Variants in PLEKHA5 observed in about 807,000 individuals in gnomAD.
PLEKHA5 encodes pleckstrin homology domain-containing family A member 5.
Under a neutral mutation model 181.9 loss-of-function variants are expected in PLEKHA5, and 55 were observed. The observed-to-expected ratio is 0.30, with a 90% CI of 0.24 to 0.38. The LOEUF is 0.38. PLEKHA5 is among the 10% of genes least tolerant of loss of function. The pLI is 1.00. For synonymous variants in PLEKHA5, 535 were observed against 529.4 expected (o/e 1.01, Z -0.15); for missense variants, 1,432 against 1,549.5 (o/e 0.92, Z 1.27).
At chr12:19,268,022 G>T (rs1336790335) in intron 8 of PLEKHA5, among the ~76,000 whole-genome samples, 2 of 152,140 alleles carry the variant, frequency 1.3e-5, no homozygotes, top group Admixed American at 6.5e-5. Flanking sequence ...TAGTGGTGAG[G>T]TTAAGGGGTT....
At chr12:19,223,800 C>A (rs1479187532) in intron 3 of PLEKHA5, among the ~76,000 whole-genome samples, 1 of 152,120 alleles carries the variant, frequency 6.6e-6, no homozygotes, top group Non-Finnish European at 1.5e-5. Context: ...GCAGCAGAAT[C>A]CTTCACTGTG....
intron 16 of PLEKHA5, among the ~76,000 whole-genome samples, chr12:19,317,608 G>A (rs2089329109): frequency 6.6e-6 from 1 of 151,166 alleles, no homozygotes; most frequent in African/African-American, 2.4e-5. Context: ...TATGTATCAT[G>A]TTCATATACT....
chr12:19,336,743 A>G (rs573171755), intron 21 of PLEKHA5, 127 bp downstream of exon 21: 1 of 588,450 alleles, frequency 1.7e-6, no homozygotes, highest in South Asian at 1.8e-5. Context: ...CCTGGATTTG[A>G]ATACTTTTAA....
chr12:19,350,852 T>C (rs2094557458), intron 25 of PLEKHA5, among the ~76,000 whole-genome samples: 1 of 152,166 alleles, frequency 6.6e-6, no homozygotes, highest in African/African-American at 2.4e-5. Context: ...TTTTTCTAGG[T>C]TATCTAATGT....
chr12:19,219,688 C>A (rs1416251188), intron 3 of PLEKHA5, among the ~76,000 whole-genome samples: 1 of 151,938 alleles, frequency 6.6e-6, no homozygotes, highest in Non-Finnish European at 1.5e-5. Context: ...TAATCTTAGG[C>A]TTTAATTGAT....
chr12:19,163,920 C>A (rs1259838019), intron 3 of PLEKHA5, among the ~76,000 whole-genome samples: 2 of 152,106 alleles, frequency 1.3e-5, no homozygotes, highest in Non-Finnish European at 2.9e-5. Context: ...TTCTAGCAAC[C>A]AAACTCAGAA....
intron 3 of PLEKHA5, among the ~76,000 whole-genome samples, chr12:19,228,435 T>C (rs1358833782): frequency 2.6e-5 from 1 of 39,022 alleles, no homozygotes; most frequent in African/African-American, 3.9e-5. Context: ...TATATTTTTC[T>C]CTGTTTTTTT....
intron 3 of PLEKHA5, among the ~76,000 whole-genome samples, chr12:19,195,005 T>C (rs1270954762): frequency 3.3e-5 from 5 of 152,228 alleles, no homozygotes; most frequent in Admixed American, 3.3e-4. Context: ...ATTTATACTG[T>C]ACCAGACACT....
intron 3 of PLEKHA5, among the ~76,000 whole-genome samples, chr12:19,253,545 C>T (rs761714389): frequency 9.2e-5 from 14 of 151,784 alleles, no homozygotes; most frequent in South Asian, 2.1e-4. Context: ...GGCCAGGTGC[C>T]GTGTCTCATG....
chr12:19,312,493 G>A (rs1245947574), intron 15 of PLEKHA5, among the ~76,000 whole-genome samples: 1 of 152,202 alleles, frequency 6.6e-6, no homozygotes, highest in African/African-American at 2.4e-5. Flanking sequence ...TTCTCCATCA[G>A]CACCTGCTGC....
chr12:19,255,035 A>C lies in PLEKHA5; in HGVS notation c.312-10A>C. On this transcript the variant is annotated splice_polypyrimidine_tract_variant and intron_variant, in intron 4 of 31. Transcript: ENST00000429027. ...ACAGCAAGTTCTAGCATTTTGACATATATTTTCAGGACTGTTGCAACCATG... is the reference window on the plus strand; with the variant it reads ...ACAGCAAGTTCTAGCATTTTGACATCTATTTTCAGGACTGTTGCAACCATG... 1 of 1,597,328 alleles carries C rather than the reference A, an allele frequency of 6.3e-7. No homozygotes were observed. The highest frequency in any genetic ancestry group is 8.6e-7 in the Non-Finnish European group (1 of 1,169,062).
Position 19,129,754 on chromosome 12 carries a change from CGCGGCGGCAGCAGGAGAAGGCG to C in PLEKHA5, c.-37_-16del. ...GCTCGTTCCCTCCTCCCTCGGCAGC[CGCGGCGGCAGCAGGAGAAGGCG>C]GCGGCGGCGGCTAGGGATCAGACAT... On this transcript the variant is annotated 5_prime_UTR_variant, in exon 1 of 32. Coordinates refer to ENST00000429027, the MANE Select transcript of PLEKHA5 (RefSeq NM_001256470.2). 1 of 1,460,994 alleles carries C rather than the reference CGCGGCGGCAGCAGGAGAAGGCG, an allele frequency of 6.8e-7. No homozygotes were observed. Among genetic ancestry groups the C allele is most frequent in the East Asian group, 2.5e-5 (1 of 40,118 alleles). 90.5% of individuals were successfully genotyped at this position (1,460,994 alleles called of 1,614,324 possible).
chr12:19,292,729 A>G (rs901700197), intron 15 of PLEKHA5, among the ~76,000 whole-genome samples: 5 of 152,148 alleles, frequency 3.3e-5, no homozygotes, highest in African/African-American at 4.8e-5. Flanking sequence ...ACCTAAGGTC[A>G]GGAATTTGAG....
At chr12:19,317,371 TA>T (rs947305812) in intron 16 of PLEKHA5, among the ~76,000 whole-genome samples, 1 of 151,520 alleles carries the variant, frequency 6.6e-6, no homozygotes, top group African/African-American at 2.4e-5. Context: ...TTTTTTTTTT[TA>T]AGCATTCTGT....
intron 3 of PLEKHA5, among the ~76,000 whole-genome samples, chr12:19,179,025 A>T (rs1475035985): frequency 6.6e-6 from 1 of 152,192 alleles, no homozygotes; most frequent in Non-Finnish European, 1.5e-5. Flanking sequence ...TTTTATTTTC[A>T]TTGCAGATGC....
intron 3 of PLEKHA5, among the ~76,000 whole-genome samples, chr12:19,213,880 G>A (rs1324073505): frequency 1.3e-5 from 2 of 152,116 alleles, no homozygotes; most frequent in African/African-American, 4.8e-5. Flanking sequence ...ATGAAGATTG[G>A]ACCTTTTAAG....
chr12:19,229,455 C>T (rs1325478597), intron 3 of PLEKHA5, among the ~76,000 whole-genome samples: 1 of 152,054 alleles, frequency 6.6e-6, no homozygotes, highest in Non-Finnish European at 1.5e-5. Context: ...AAGCTGCAGA[C>T]CTTCGCGGTG....
At chr12:19,362,944 G>C (rs2095303312) in intron 29 of PLEKHA5, among the ~76,000 whole-genome samples, 1 of 150,738 alleles carries the variant, frequency 6.6e-6, no homozygotes, top group African/African-American at 2.4e-5. Flanking sequence ...AGGGCCAACT[G>C]TACTATGCCA....
chr12:19,355,591 T>C (rs751135842), intron 26 of PLEKHA5, among the ~76,000 whole-genome samples: 11 of 151,876 alleles, frequency 7.2e-5, no homozygotes, highest in Non-Finnish European at 1.5e-4. Context: ...TTCAAAGATA[T>C]TAAAGTACAA....
Sources: gnomAD v4.1 joint callset for allele counts (sites outside exome capture counted in the v4.1 genomes callset) on GRCh38, gnomAD v4.1.1 for gene constraint, MANE v1.5 for transcripts, NCBI Gene and HGNC (gene_info 2026-07-23, HGNC 2026-07-21) for gene names.